GTPBP1: variants seen among roughly 807,000 people sequenced by gnomAD.
GTPBP1 encodes GTP binding protein 1.
Under a neutral mutation model 62.0 loss-of-function variants are expected in GTPBP1, and 23 were observed. The ratio of observed to expected loss-of-function variants is 0.37; its 90% CI spans 0.27 to 0.53. GTPBP1 has a LOEUF of 0.53. Ranked by LOEUF, GTPBP1 falls within the 20% of genes least tolerant of loss-of-function variation. The pLI is 0.89. For missense variants in GTPBP1, 640 were observed against 917.3 expected (o/e 0.70, Z 3.90); for synonymous variants, 344 against 364.4 (o/e 0.94, Z 0.64).
intron 1 of GTPBP1, among the ~76,000 whole-genome samples, chr22:38,708,517 A>G (rs2092619390): frequency 6.6e-6 from 1 of 152,210 alleles, no homozygotes; most frequent in African/African-American, 2.4e-5. Context: ...GATGGAAAGC[A>G]CTGCGCTTTC....
chr22:38,739,179 C>G, downstream of GTPBP1: 1 of 925,220 alleles, frequency 1.1e-6, no homozygotes, highest in Non-Finnish European at 1.7e-6. The surrounding 1 kb of genome is among the most constrained non-coding windows in gnomAD (Gnocchi z 6.7). Flanking sequence ...TACGTCCTGA[C>G]TTCCCTGAAT....
intron 4 of GTPBP1, among the ~76,000 whole-genome samples, chr22:38,720,994 C>G (rs2092697362): frequency 6.6e-6 from 1 of 152,226 alleles, no homozygotes; most frequent in Non-Finnish European, 1.5e-5. Context: ...CAGCCACAAC[C>G]TCCCAGGCTC....
At chr22:38,724,261 G>C (rs770809182) in intron 5 of GTPBP1, 36 bp from the exon 6 acceptor site, 2 of 1,231,620 alleles carry the variant, frequency 1.6e-6, no homozygotes, top group Non-Finnish European at 2.4e-6. Context: ...AGAGAAGGCT[G>C]TGTCCCCCTA....
At chr22:38,711,053 A>C (rs1462703824) in intron 2 of GTPBP1, among the ~76,000 whole-genome samples, 1 of 152,178 alleles carries the variant, frequency 6.6e-6, no homozygotes, top group Non-Finnish European at 1.5e-5. Context: ...ATAGAAAGAG[A>C]TCATAACTAG....
chr22:38,716,133 G>A lies in GTPBP1; in HGVS notation c.485+46G>A. ...TTTGGGGTCCCCATTCTTCACAGAGGTTGGTGACTGAGCCTGTGGCACTTG... is the reference window on the plus strand; with the variant it reads ...TTTGGGGTCCCCATTCTTCACAGAGATTGGTGACTGAGCCTGTGGCACTTG... On this transcript the variant is annotated intron_variant, in intron 3 of 11. Transcript: ENST00000216044. This position sits in a 1 kb window ranked among gnomAD's most constrained non-coding sequence, Gnocchi z 5.2. 3 of 1,465,950 alleles carry A rather than the reference G, an allele frequency of 2.0e-6. No homozygotes were observed. The South Asian group carries it at 3.6e-5, about 18-fold the overall frequency. 90.8% of individuals were successfully genotyped at this position (1,465,950 alleles called of 1,614,324 possible).
chr22:38,726,055 C>T lies in GTPBP1; in HGVS notation c.1123C>T (p.Leu375=). The T allele has an allele frequency of 4.3e-6, 7 of 1,613,966 alleles. No individual in the cohort carries two copies. The highest frequency in any genetic ancestry group is 5.9e-6 in the Non-Finnish European group (7 of 1,179,834). ...CAACGTTACAGGCGAGAACCTAGAT[C>T]TGCTGAAGATGTTCCTCAACCTCCT... ...ISNVTGENLD[L]LKMFLNLLSP... The change falls in exon 7 of 12, where the codon CTG becomes TTG. Residue 375 remains leucine, a synonymous_variant. Transcript: ENST00000216044. This position sits in a 1 kb window ranked among gnomAD's most constrained non-coding sequence, Gnocchi z 4.1.
chr22:38,741,888 C>T (rs189825787), downstream of GTPBP1, among the ~76,000 whole-genome samples: 169 of 152,292 alleles, frequency 1.1e-3, no homozygotes, highest in Non-Finnish European at 1.9e-3. Context: ...CGCCTGTAAT[C>T]CCAGGACTTT....
chr22:38,727,345 A>G lies in GTPBP1; in HGVS notation c.1534A>G (p.Met512Val). 1.3e-6 allele frequency: 2 copies of G among 1,573,762 alleles called. No homozygotes were observed. The highest frequency in any genetic ancestry group is 1.7e-6 in the Non-Finnish European group (2 of 1,159,358). Residue 512 changes from methionine (M) to valine (V), a missense_variant, in exon 9 of 12, where the codon ATG (methionine) becomes GTG (valine). By Grantham distance (21) the Met-to-Val change is conservative. Coordinates refer to ENST00000216044, the MANE Select transcript of GTPBP1 (RefSeq NM_004286.5). The surrounding 1 kb of genome is among the most constrained non-coding windows in gnomAD (Gnocchi z 6.5). Reference protein sequence around the residue: ...PTTISPRYQAMVHCGSIRQTA... With the variant: ...PTTISPRYQAVVHCGSIRQTA... ...CACAATTAGCCCGCGCTACCAGGCC[A>G]TGGGTAGGTGTCTAAGGCCCTGCCA...
chr22:38,720,144 G>C (rs1177170516), intron 4 of GTPBP1, among the ~76,000 whole-genome samples: 2 of 151,734 alleles, frequency 1.3e-5, no homozygotes, highest in Non-Finnish European at 2.9e-5. Context: ...TAGCCAGGAT[G>C]GTCTCGAGCT....
At position 38,727,268 on chromosome 22, in the gene GTPBP1, C is replaced by T; in HGVS notation, c.1457C>T (p.Pro486Leu). 1 of 1,602,676 alleles carries T rather than the reference C, an allele frequency of 6.2e-7. No individual in the cohort carries two copies. Among genetic ancestry groups the T allele is most frequent in the Non-Finnish European group, 8.5e-7 (1 of 1,174,454 alleles). Residue 486 changes from proline (P) to leucine (L), a missense_variant, in exon 9 of 12, where the codon CCC becomes CTC. Pro to Leu is a moderately conservative substitution (Grantham distance 98). Transcript: ENST00000216044. The surrounding 1 kb of genome is among the most constrained non-coding windows in gnomAD (Gnocchi z 6.5). ...GMVMVSPRLN[P>L]QASWEFEAEI... ...GTGATGGTTTCCCCACGTTTGAATC[C>T]CCAAGCCTCCTGGGAGTTTGAGGCC...
intron 5 of GTPBP1, chr22:38,723,216 C>T: frequency 9.7e-7 from 1 of 1,029,228 alleles, no homozygotes; most frequent in Non-Finnish European, 1.5e-6. Context: ...AGAAGAAAAG[C>T]ACCAAATTAT....
At chr22:38,740,220 A>C (rs767869816), downstream of GTPBP1, 8 of 1,493,472 alleles carry the variant, frequency 5.4e-6, no homozygotes, top group Non-Finnish European at 7.2e-6. This position sits in a 1 kb window ranked among gnomAD's most constrained non-coding sequence, Gnocchi z 4.8. Context: ...ACGTCGTCTC[A>C]AAGGAGGAGG....
rs1487612038 is a variant in GTPBP1, at chr22:38,727,287, T to C, written c.1476T>C (p.Phe492=). 6.2e-7 allele frequency: 1 copy of C among 1,602,302 alleles called. No individual in the cohort carries two copies. Among genetic ancestry groups the C allele is most frequent in the Non-Finnish European group, 8.5e-7 (1 of 1,174,202 alleles). The change falls in exon 9 of 12, where the codon TTT becomes TTC. Residue 492 remains phenylalanine, a synonymous_variant. Transcript: ENST00000216044. This position sits in a 1 kb window ranked among gnomAD's most constrained non-coding sequence, Gnocchi z 6.5. The part of the protein sequence containing the change: ...PRLNPQASWE[F]EAEILVLHHP... ...TGAATCCCCAAGCCTCCTGGGAGTT[T>C]GAGGCCGAGATTCTCGTCCTCCACC...
chr22:38,710,903 C>T (rs1050806042), intron 2 of GTPBP1, among the ~76,000 whole-genome samples: 1 of 152,076 alleles, frequency 6.6e-6, no homozygotes, highest in African/African-American at 2.4e-5. Flanking sequence ...AATTAACCCA[C>T]CCATGGCAAA....
In GTPBP1 at chr22:38,727,478, C is replaced by A. The variant is rs576165659; in HGVS notation, c.1537+130C>A. ...AGGCCTCCTTCCTGTTTAGTGATGC[C>A]GTTCCTTCTGTTCTACCCATGAGCC... On this transcript the variant is annotated intron_variant, in intron 9 of 11. Transcript: ENST00000216044. This position sits in a 1 kb window ranked among gnomAD's most constrained non-coding sequence, Gnocchi z 6.5. 2.3e-6 allele frequency: 2 copies of A among 858,312 alleles called. No individual in the cohort carries two copies. The highest frequency in any genetic ancestry group is 3.5e-6 in the Non-Finnish European group (2 of 573,196). 53.2% of individuals were successfully genotyped at this position (858,312 alleles called of 1,614,324 possible). A position where few individuals can be genotyped will look rare whatever the true frequency, so the allele number is the denominator to read the frequency against.
chr22:38,705,999 C>A lies in GTPBP1; in HGVS notation c.44C>A (p.Pro15Gln). ...CGCTCCGCGATGGACTCGCCGGTCC[C>A]GGCCTCTATGTTCGCCCCCGAGCCC... ...RSRSAMDSPV[P>Q]ASMFAPEPSS... is the part of the protein sequence containing the mutation. The change falls in exon 1 of 12, where the codon CCG becomes CAG. Residue 15 changes from proline to glutamine, a missense_variant. By Grantham distance (76) the Pro-to-Gln change is moderately conservative. Around this residue, in one of 4 missense-constraint regions of GTPBP1, gnomAD observed 215 missense variants for 235.1 expected, o/e 0.91. Transcript: ENST00000216044. 1 of 1,459,500 alleles carries A rather than the reference C, an allele frequency of 6.9e-7. No individual in the cohort carries two copies. Among genetic ancestry groups the A allele is most frequent in the Non-Finnish European group, 9.0e-7 (1 of 1,105,680 alleles). The allele number at this position is 1,459,500 out of a possible 1,614,324, so 90.4% of individuals were successfully genotyped here.
chr22:38,723,451 A>G, intron 5 of GTPBP1: 1 of 1,079,796 alleles, frequency 9.3e-7, no homozygotes, highest in Non-Finnish European at 1.4e-6. Context: ...AAGGAATGGC[A>G]CTCACATGTC....
chr22:38,738,376 G>A, downstream of GTPBP1: 1 of 1,129,814 alleles, frequency 8.9e-7, no homozygotes. This position sits in a 1 kb window ranked among gnomAD's most constrained non-coding sequence, Gnocchi z 6.6. Flanking sequence ...AGTGGCCTAT[G>A]ACAAGTCACT....
downstream of GTPBP1, chr22:38,739,223 G>T: frequency 8.4e-7 from 1 of 1,196,992 alleles, no homozygotes; most frequent in Non-Finnish European, 1.2e-6. This position sits in a 1 kb window ranked among gnomAD's most constrained non-coding sequence, Gnocchi z 6.7. Context: ...ACTAGGTTGG[G>T]TGATTTCTGC....
Sources: allele counts gnomAD v4.1 joint callset (sites outside exome capture counted in the v4.1 genomes callset), GRCh38; gene constraint gnomAD v4.1.1; regional missense constraint gnomAD v4.1.1; non-coding constraint Gnocchi (gnomAD v3.1); transcripts MANE v1.5; gene names NCBI Gene and HGNC (gene_info 2026-07-23, HGNC 2026-07-21).